Variants in KAT6A observed in about 807,000 individuals in gnomAD.
KAT6A encodes lysine acetyltransferase 6A.
In KAT6A, 9 loss-of-function variants were observed where a neutral mutation model predicts 198.4. The ratio of observed to expected loss-of-function variants is 0.05; its 90% CI spans 0.03 to 0.08. KAT6A has a LOEUF of 0.08. Ranked by LOEUF, KAT6A falls within the 10% of genes least tolerant of loss-of-function variation. KAT6A has a pLI of 1.00. For synonymous variants in KAT6A, 890 were observed against 883.0 expected (o/e 1.01, Z -0.14); for missense variants, 2,077 against 2,509.9 (o/e 0.83, Z 3.69).
chr8:41,942,564 A>G, intron 14 of KAT6A: 1 of 526,956 alleles, frequency 1.9e-6, no homozygotes, highest in Non-Finnish European at 3.3e-6. Flanking sequence ...CTCACAAGTA[A>G]CACATTATAA....
chr8:42,049,040 C>A lies in KAT6A; in HGVS notation c.-63G>T. 6.6e-7 allele frequency: 1 copy of A among 1,506,900 alleles called. No homozygotes were observed. The highest frequency in any genetic ancestry group is 8.9e-7 in the Non-Finnish European group (1 of 1,124,106). 93.3% of individuals were successfully genotyped at this position (1,506,900 alleles called of 1,614,324 possible). On this transcript the variant is annotated 5_prime_UTR_variant, in exon 2 of 17. Coordinates refer to ENST00000265713, the MANE Select transcript of KAT6A (RefSeq NM_006766.5). The stretch of plus-strand genomic sequence containing the variant: ...TTATCCTGATGCTGAGTAAGTTTTA[C>A]ACCATGGAAAACAAGATTCTCGGAG...
intron 8 of KAT6A, 170 bp downstream of exon 8, chr8:41,974,534 A>G (rs1823953405): frequency 2.2e-6 from 1 of 448,976 alleles, no homozygotes; most frequent in African/African-American, 2.0e-5. Flanking sequence ...AGCAGTTATC[A>G]TGGGTTTGAA....
At chr8:41,993,956 G>T (rs1037874660) in intron 2 of KAT6A, among the ~76,000 whole-genome samples, 1 of 151,956 alleles carries the variant, frequency 6.6e-6, no homozygotes, top group East Asian at 1.9e-4. Flanking sequence ...GGTGGTTATA[G>T]GAAAAATAGA....
In KAT6A at chr8:41,933,627, G is replaced by A. The variant is rs1821680030; in HGVS notation, c.4593C>T (p.Pro1531=). ...CTGATACGGAAGGCACATCCATCAT[G>A]GGGCTGGTCTCCATGTTCTGCATAG... The part of the protein sequence containing the change: ...APSMQNMETS[P]MMDVPSVSDH... The change falls in exon 17 of 17, where the codon CCC becomes CCT. Residue 1531 remains proline, a synonymous_variant. Coordinates refer to ENST00000265713, the MANE Select transcript of KAT6A (RefSeq NM_006766.5). The surrounding 1 kb of genome is among the most constrained non-coding windows in gnomAD (Gnocchi z 6.2). 2 of 1,614,142 alleles carry A rather than the reference G, an allele frequency of 1.2e-6. No homozygotes were observed. Among genetic ancestry groups the A allele is most frequent in the African/African-American group, 1.3e-5 (1 of 75,038 alleles).
chr8:41,986,403 CA>C (rs1824605771), intron 3 of KAT6A, among the ~76,000 whole-genome samples: 1 of 152,118 alleles, frequency 6.6e-6, no homozygotes, highest in African/African-American at 2.4e-5. Context: ...TCAAGAAAAA[CA>C]AATCTGTTAT....
chr8:42,030,401 G>A (rs186862736), intron 2 of KAT6A, among the ~76,000 whole-genome samples: 31 of 152,144 alleles, frequency 2.0e-4, no homozygotes, highest in Admixed American at 9.2e-4. Context: ...CATCCTTTCC[G>A]TGTTTAATTT....
chr8:42,016,123 C>T (rs1826261249), intron 2 of KAT6A, among the ~76,000 whole-genome samples: 1 of 152,142 alleles, frequency 6.6e-6, no homozygotes, highest in South Asian at 2.1e-4. Flanking sequence ...GGTTGTCCTC[C>T]CTTACACAAA....
At chr8:41,966,469 T>C (rs1238406536) in intron 8 of KAT6A, among the ~76,000 whole-genome samples, 2 of 152,098 alleles carry the variant, frequency 1.3e-5, no homozygotes, top group Non-Finnish European at 2.9e-5. Context: ...CTGGGGATCT[T>C]GGAGCGTATC....
chr8:41,967,151 T>C (rs1014018804), intron 8 of KAT6A, among the ~76,000 whole-genome samples: 3 of 152,096 alleles, frequency 2.0e-5, no homozygotes, highest in Non-Finnish European at 4.4e-5. Flanking sequence ...TTAAAATCTG[T>C]ATGAAAATAC....
rs1016736227 is a variant in KAT6A at position 42,048,727 on chromosome 8, T to C, written c.251A>G (p.Lys84Arg). The change falls in exon 2 of 17, where the codon AAG becomes AGG. Residue 84 changes from lysine (K) to arginine (R), a missense_variant. Physicochemically the swap from Lys to Arg is conservative, Grantham distance 26. Around this residue, in one of 13 missense-constraint regions of KAT6A, gnomAD observed 185 missense variants for 185.7 expected, o/e 1.00. Coordinates refer to ENST00000265713, the MANE Select transcript of KAT6A (RefSeq NM_006766.5). ...PDNPGRIALPKPRNHGKLDNK... is the reference protein window; with the variant it reads ...PDNPGRIALPRPRNHGKLDNK... ...ATCCAATTTTCCATGGTTCCGAGGC[T>C]TAGGAAGTGCTATTCGCCCAGGATT... is the stretch of plus-strand genomic sequence containing the variant. 6 of 1,614,104 alleles carry C rather than the reference T, an allele frequency of 3.7e-6. No homozygotes were observed. In the African/African-American group the frequency reaches 5.3e-5, roughly 14 times the overall value.
chr8:42,003,163 C>T (rs1825575217), intron 2 of KAT6A, among the ~76,000 whole-genome samples: 1 of 152,340 alleles, frequency 6.6e-6, no homozygotes, highest in East Asian at 1.9e-4. Context: ...TTGCTCCTTG[C>T]TATCTCCTAT....
rs1156855046 is a variant in KAT6A, at chr8:41,930,867, A to T, written c.*1338T>A. The T allele has an allele frequency of 4.7e-6, 1 of 213,744 alleles. No homozygotes were observed. The highest frequency in any genetic ancestry group is 9.4e-6 in the Non-Finnish European group (1 of 105,910). 13.2% of individuals were successfully genotyped at this position (213,744 alleles called of 1,614,324 possible). On this transcript the variant is annotated 3_prime_UTR_variant, in exon 17 of 17. Transcript: ENST00000265713. ...CTTGCGTTATAACATTCTGCTGTCC[A>T]GATCTGCCCTACTGTGCTGGTGGTC...
chr8:41,995,243 C>T (rs1825142422), intron 2 of KAT6A, among the ~76,000 whole-genome samples: 2 of 152,102 alleles, frequency 1.3e-5, no homozygotes, highest in South Asian at 4.1e-4. Flanking sequence ...ATAATCACAG[C>T]AGTACAGAAA....
chr8:41,936,107 CA>C (rs1255163426), intron 16 of KAT6A, among the ~76,000 whole-genome samples: 1 of 151,836 alleles, frequency 6.6e-6, no homozygotes, highest in Admixed American at 6.6e-5. Flanking sequence ...ACTAAAAATA[CA>C]AAAATTAGCC....
chr8:41,998,697 T>C (rs1261660081), intron 2 of KAT6A, among the ~76,000 whole-genome samples: 1 of 152,158 alleles, frequency 6.6e-6, no homozygotes, highest in Non-Finnish European at 1.5e-5. Flanking sequence ...TCCTAGATTC[T>C]ATATCTTCAA....
intron 2 of KAT6A, among the ~76,000 whole-genome samples, chr8:42,023,644 T>C (rs1230488496): frequency 6.6e-6 from 1 of 151,774 alleles, no homozygotes; most frequent in Non-Finnish European, 1.5e-5. Context: ...CGCGCCACCA[T>C]GTCCAGCTAA....
intron 2 of KAT6A, among the ~76,000 whole-genome samples, chr8:42,047,213 C>T (rs1802357626): frequency 6.6e-6 from 1 of 152,148 alleles, no homozygotes; most frequent in African/African-American, 2.4e-5. Context: ...TAATTCAGAG[C>T]ACCTTAAGTA....
chr8:41,965,163 C>T (rs1368293581), intron 8 of KAT6A, among the ~76,000 whole-genome samples: 1 of 152,192 alleles, frequency 6.6e-6, no homozygotes, highest in East Asian at 1.9e-4. Flanking sequence ...AACAGGTACA[C>T]ATCAGAATTG....
chr8:42,037,352 TAGAA>T (rs1335066737), intron 2 of KAT6A, among the ~76,000 whole-genome samples: 2 of 152,092 alleles, frequency 1.3e-5, no homozygotes, highest in Admixed American at 6.5e-5. Flanking sequence ...ATGCCCTGAA[TAGAA>T]AAATTGGGAA....
Sources: allele counts gnomAD v4.1 joint callset (sites outside exome capture counted in the v4.1 genomes callset), GRCh38; gene constraint gnomAD v4.1.1; regional missense constraint gnomAD v4.1.1; non-coding constraint Gnocchi (gnomAD v3.1); transcripts MANE v1.5; gene names NCBI Gene and HGNC (gene_info 2026-07-23, HGNC 2026-07-21).